Variants in PCDHA1 observed in about 807,000 individuals in gnomAD.
PCDHA1 encodes protocadherin alpha-1.
A neutral mutation model predicts 61.3 loss-of-function variants in PCDHA1; 42 were observed. The ratio of observed to expected loss-of-function variants is 0.69; its 90% CI spans 0.54 to 0.89. The LOEUF is 0.89. Ranked by LOEUF, PCDHA1 falls within the 40% of genes least tolerant of loss-of-function variation. The pLI, the probability that PCDHA1 is intolerant of heterozygous loss-of-function variation, is 0.00. For synonymous variants in PCDHA1, 610 were observed against 553.8 expected, an observed-to-expected ratio of 1.10 and a Z score of -1.43; for missense variants, 1,256 against 1,235.3, an observed-to-expected ratio of 1.02 and a Z score of -0.25.
intron 1 of PCDHA1, chr5:140,815,363 A>G (rs1247276822): frequency 6.6e-6 from 1 of 151,708 alleles, no homozygotes; most frequent in Non-Finnish European, 1.5e-5. Flanking sequence ...TTCCATAGGT[A>G]TTTTCTTTGT....
chr5:140,830,251 G>A (rs1554132671), intron 1 of PCDHA1: 2 of 1,613,892 alleles, frequency 1.2e-6, no homozygotes. Flanking sequence ...TGTACACAGC[G>A]CTGCGGTGCT....
intron 3 of PCDHA1, among the ~76,000 whole-genome samples, chr5:140,990,932 G>A (rs1161440839): frequency 6.6e-6 from 1 of 152,154 alleles, no homozygotes; most frequent in African/African-American, 2.4e-5. Flanking sequence ...ATCCCATACT[G>A]TTGCCTCCTG....
intron 3 of PCDHA1, among the ~76,000 whole-genome samples, chr5:140,987,901 T>C (rs1554249667): frequency 6.6e-6 from 1 of 152,180 alleles, no homozygotes. Context: ...TAGTTTTATA[T>C]GGGGATTTAT....
intron 3 of PCDHA1, among the ~76,000 whole-genome samples, chr5:141,001,290 G>A (rs2098005878): frequency 6.6e-6 from 1 of 152,100 alleles, no homozygotes; most frequent in Non-Finnish European, 1.5e-5. Flanking sequence ...GATGAAAACT[G>A]AGGCCCAGAG....
At chr5:140,883,477 C>T (rs2059632046) in intron 1 of PCDHA1, 2 of 1,614,054 alleles carry the variant, frequency 1.2e-6, no homozygotes, top group Non-Finnish European at 1.7e-6. Flanking sequence ...CCTACAAGAA[C>T]TACTACTCAT....
chr5:140,968,099 G>A, intron 1 of PCDHA1: 3 of 1,614,100 alleles, frequency 1.9e-6, no homozygotes, highest in South Asian at 1.1e-5. Flanking sequence ...CACAGATGGG[G>A]GAATACCGCA....
chr5:140,836,814 A>G (rs1264836284), intron 1 of PCDHA1: 2 of 1,218,204 alleles, frequency 1.6e-6, no homozygotes, highest in African/African-American at 1.5e-5. Flanking sequence ...TTTCTTTCAT[A>G]ATTTCTTTTT....
chr5:140,894,649 T>C (rs1270978331), intron 1 of PCDHA1, among the ~76,000 whole-genome samples: 3 of 152,024 alleles, frequency 2.0e-5, no homozygotes, highest in African/African-American at 7.2e-5. Context: ...ACTGAGTCTC[T>C]CTAATTCTGA....
rs77488964 is a variant in PCDHA1, at chr5:140,929,006, C to T, written c.2395-49943C>T. The T allele has an allele frequency of 3.2e-3, 5,179 of 1,614,048 alleles. 25 individuals carry two copies. Among genetic ancestry groups the T allele is most frequent in the African/African-American group, 0.019 (1,447 of 75,028 alleles). ...GGGTGCTTACTTTTCTTCGTGTGTA[C>T]CAAGTTGCACCAGAGCCCAGGCTGT... is the stretch of plus-strand genomic sequence containing the variant. On this transcript the variant is annotated intron_variant, in intron 1 of 3. Coordinates refer to ENST00000504120, the MANE Select transcript of PCDHA1 (RefSeq NM_018900.4).
intron 3 of PCDHA1, among the ~76,000 whole-genome samples, chr5:141,004,751 T>C (rs1323540564): frequency 2.0e-5 from 3 of 152,182 alleles, no homozygotes; most frequent in African/African-American, 7.2e-5. Flanking sequence ...TCTCAGTCTC[T>C]TAGAGACAGG....
intron 1 of PCDHA1, chr5:140,853,312 G>A (rs931070085): frequency 1.0e-6 from 1 of 983,988 alleles, no homozygotes; most frequent in Non-Finnish European, 1.2e-6. Context: ...GAACACCTTA[G>A]TAATAAATTT....
At chr5:140,945,369 A>T (rs2153669585) in intron 1 of PCDHA1, among the ~76,000 whole-genome samples, 1 of 152,234 alleles carries the variant, frequency 6.6e-6, no homozygotes, top group African/African-American at 2.4e-5. Flanking sequence ...TAAAATGTCC[A>T]TATTACCCAA....
chr5:140,834,958 T>C (rs2150229449), intron 1 of PCDHA1: 5 of 1,531,514 alleles, frequency 3.3e-6, no homozygotes, highest in Non-Finnish European at 4.4e-6. Flanking sequence ...GTAAAACCTC[T>C]TGGACTTGTA....
Position 140,927,631 on chromosome 5 carries a change from C to T in PCDHA1, c.2395-51318C>T, listed in dbSNP as rs760961070. 1.7e-5 allele frequency: 28 copies of T among 1,614,068 alleles called. No homozygotes were observed. In the Admixed American group the frequency reaches 2.5e-4, roughly 14 times the overall value. On this transcript the variant is annotated intron_variant, in intron 1 of 3. Coordinates refer to ENST00000504120, the MANE Select transcript of PCDHA1 (RefSeq NM_018900.4). ...CCGCACCAAGGTTCCAGAGACTGCA[C>T]CCAATGGGACTGTGTTATTCCGAGT...
intron 1 of PCDHA1, chr5:140,836,878 A>G: frequency 1.5e-6 from 1 of 681,278 alleles, no homozygotes; most frequent in Non-Finnish European, 2.4e-6. Context: ...CTGTATTTGC[A>G]CTAATTATTT....
Position 140,797,490 on chromosome 5 carries a change from G to A in PCDHA1, c.2394+8806G>A, listed in dbSNP as rs116776862. 3.8e-3 allele frequency: 3,837 copies of A among 999,078 alleles called. 99 individuals carry two copies. The African/African-American group carries it at 0.054, about 14-fold the overall frequency. The allele number at this position is 999,078 out of a possible 1,614,324, so 61.9% of individuals were successfully genotyped here. A position where few individuals can be genotyped will look rare whatever the true frequency, so the allele number is the denominator to read the frequency against. Reference sequence around the variant, plus strand: ...ACCGTGCGATTTTGAATATGAATTAGAGATCAATTTATTGCATTTACTGAA... The same window carrying A: ...ACCGTGCGATTTTGAATATGAATTAAAGATCAATTTATTGCATTTACTGAA... On this transcript the variant is annotated intron_variant, in intron 1 of 3. Transcript: ENST00000504120.
chr5:140,807,970 A>G, intron 1 of PCDHA1: 2 of 1,613,692 alleles, frequency 1.2e-6, no homozygotes, highest in Non-Finnish European at 1.7e-6. Context: ...GAACATTGGT[A>G]ATTAAACTTA....
chr5:140,987,040 C>G (rs916995346), intron 3 of PCDHA1, among the ~76,000 whole-genome samples: 1 of 151,880 alleles, frequency 6.6e-6, no homozygotes, highest in Non-Finnish European at 1.5e-5. Flanking sequence ...ATGGCGAAAC[C>G]CCATCTCTAC....
At chr5:140,993,227 C>T (rs1464075096) in intron 3 of PCDHA1, among the ~76,000 whole-genome samples, 1 of 152,084 alleles carries the variant, frequency 6.6e-6, no homozygotes, top group African/African-American at 2.4e-5. Context: ...TTGGTATGTT[C>T]TCTCTGAATC....
Sources: gnomAD v4.1 joint callset for allele counts (sites outside exome capture counted in the v4.1 genomes callset) on GRCh38, gnomAD v4.1.1 for gene constraint, MANE v1.5 for transcripts, NCBI Gene and HGNC (gene_info 2026-07-23, HGNC 2026-07-21) for gene names.